The following ZNF343 variants were observed in gnomAD, a reference collection of about 807,000 sequenced individuals.
The protein encoded by ZNF343 is zinc finger protein 343.
ZNF343 carries 11 observed loss-of-function variants against 13.8 expected under a neutral mutation model. That is an observed-to-expected ratio of 0.80 (90% confidence interval 0.50 to 1.32). The LOEUF (loss-of-function observed/expected upper bound fraction) is 1.32, where lower values mean the gene tolerates loss of function less well. Ranked by LOEUF, ZNF343 falls within the 40% of genes most tolerant of loss-of-function variation. The probability of loss-of-function intolerance (pLI) is 0.00; values close to 1 mark genes in which losing one functional copy is unlikely to be tolerated. For synonymous variants in ZNF343, 248 were observed against 260.0 expected (o/e 0.95, Z 0.44); for missense variants, 658 against 714.2 (o/e 0.92, Z 0.90).
chr20:2,494,240 G>C (rs774488293), intron 2 of ZNF343, among the ~76,000 whole-genome samples, 196 bp from the exon 3 acceptor site: 1 of 151,882 alleles, frequency 6.6e-6, no homozygotes, highest in African/African-American at 2.4e-5. Context: ...CTTGTGTTCT[G>C]CCACTCTCCC....
intron 1 of ZNF343, among the ~76,000 whole-genome samples, chr20:2,522,594 A>G (rs1007722067): frequency 2.0e-5 from 3 of 152,202 alleles, no homozygotes; most frequent in Non-Finnish European, 4.4e-5. Flanking sequence ...TTCAATTTTA[A>G]CATAAGCTGC....
chr20:2,522,318 G>A (rs1263704649), intron 1 of ZNF343, among the ~76,000 whole-genome samples: 1 of 152,174 alleles, frequency 6.6e-6, no homozygotes, highest in Non-Finnish European at 1.5e-5. Flanking sequence ...CTCACCATTA[G>A]AAGTTTCCTT....
rs951039905 is a variant in ZNF343 at position 2,518,163 on chromosome 20, G to A, written c.-347+6292C>T. ...TGAGTAGCTGGGATTACAGGCGCGT[G>A]CCACCACGTCTGGCTACCTTTTTGT... On this transcript the variant is annotated intron_variant, in intron 1 of 6. Transcript: ENST00000358413. This position sits in a 1 kb window ranked among gnomAD's most constrained non-coding sequence, Gnocchi z 4.6. 6.6e-5 allele frequency among the ~76,000 whole-genome samples: 10 copies of A among 151,966 alleles called. No individual in the cohort carries two copies. The highest frequency in any genetic ancestry group is 1.9e-4 in the African/African-American group (8 of 41,364).
chr20:2,523,588 C>T (rs2085791689), intron 1 of ZNF343, among the ~76,000 whole-genome samples: 1 of 151,880 alleles, frequency 6.6e-6, no homozygotes, highest in African/African-American at 2.4e-5. Context: ...CCCTGCCTTA[C>T]TGCCATCCTA....
intron 1 of ZNF343, among the ~76,000 whole-genome samples, chr20:2,517,363 T>G (rs1435908139): frequency 2.6e-5 from 2 of 77,562 alleles, no homozygotes; most frequent in African/African-American, 2.2e-4. Flanking sequence ...AATGTATATG[T>G]GTGTATATAT....
chr20:2,498,639 G>C (rs1048136321), intron 2 of ZNF343, among the ~76,000 whole-genome samples: 1 of 152,118 alleles, frequency 6.6e-6, no homozygotes, highest in East Asian at 1.9e-4. Flanking sequence ...AACAATCCCA[G>C]TCCATATTTA....
intron 1 of ZNF343, among the ~76,000 whole-genome samples, chr20:2,521,576 A>C (rs1428503859): frequency 6.6e-6 from 1 of 152,114 alleles, no homozygotes; most frequent in Non-Finnish European, 1.5e-5. Context: ...AGGTGTGGGT[A>C]GTGGGATGTA....
chr20:2,521,346 T>TG (rs1410763602), intron 1 of ZNF343, among the ~76,000 whole-genome samples: 2 of 152,056 alleles, frequency 1.3e-5, no homozygotes, highest in African/African-American at 4.8e-5. Context: ...GGGTGAACAG[T>TG]GGGGGCTTCT....
chr20:2,510,203 A>G (rs1432629869), upstream of ZNF343, among the ~76,000 whole-genome samples: 2 of 152,252 alleles, frequency 1.3e-5, no homozygotes, highest in Non-Finnish European at 2.9e-5. Flanking sequence ...AAAATTGTAT[A>G]GCAAACAATG....
At chr20:2,504,987 C>T (rs528599615) in intron 1 of ZNF343, among the ~76,000 whole-genome samples, 1 of 152,238 alleles carries the variant, frequency 6.6e-6, no homozygotes, top group East Asian at 1.9e-4. Flanking sequence ...AAAGGGTATT[C>T]AGTTAGGAAA....
intron 2 of ZNF343, among the ~76,000 whole-genome samples, chr20:2,500,154 G>GT (rs1207283529): frequency 6.6e-6 from 1 of 152,182 alleles, no homozygotes; most frequent in Admixed American, 6.5e-5. Flanking sequence ...ATTATAGAAT[G>GT]TTGATAACTG....
chr20:2,523,848 G>A (rs146819628), intron 1 of ZNF343, among the ~76,000 whole-genome samples: 2 of 151,764 alleles, frequency 1.3e-5, no homozygotes, highest in Non-Finnish European at 2.9e-5. Flanking sequence ...GCCTGGCTAA[G>A]AATTCTTTCT....
At chr20:2,499,238 G>A (rs1247374847) in intron 2 of ZNF343, among the ~76,000 whole-genome samples, 6 of 148,544 alleles carry the variant, frequency 4.0e-5, no homozygotes. Context: ...GGCCGAGGTG[G>A]GCGGATCACG....
In ZNF343 at chr20:2,518,219, G is replaced by A. The variant is rs2085767860; in HGVS notation, c.-347+6236C>T. On this transcript the variant is annotated intron_variant, in intron 1 of 6. Transcript: ENST00000358413. The surrounding 1 kb of genome is among the most constrained non-coding windows in gnomAD (Gnocchi z 4.6). ...TTTAGTAGAGACGTAGTTTCGCCAT[G>A]TTGACCAGGCTTGTCTTGAACTCCT... 6.6e-6 allele frequency among the ~76,000 whole-genome samples: 1 copy of A among 152,112 alleles called. No individual in the cohort carries two copies. Among genetic ancestry groups the A allele is most frequent in the South Asian group, 2.1e-4 (1 of 4,826 alleles).
intron 1 of ZNF343, among the ~76,000 whole-genome samples, chr20:2,502,908 C>T (rs1335324317): frequency 3.3e-5 from 5 of 152,226 alleles, no homozygotes; most frequent in African/African-American, 7.2e-5. Flanking sequence ...CATCAACTAA[C>T]GAGCAAAATA....
Position 2,484,063 on chromosome 20 carries a change from T to C in ZNF343, c.898A>G (p.Ser300Gly), listed in dbSNP as rs763890529. Reference protein sequence around the residue: ...IHSMEKPYVCSECGRGFSQKS... With the variant: ...IHSMEKPYVCGECGRGFSQKS... ...TGGCTAAAACCTCGCCCGCACTCAC[T>C]GCACACATAAGGCTTCTCCATCGAG... Residue 300 changes from serine to glycine, a missense_variant, in exon 6 of 6, where the codon AGT (serine) becomes GGT (glycine). By Grantham distance (56) the Ser-to-Gly change is moderately conservative (BLOSUM62 0). Coordinates refer to ENST00000278772, the MANE Select transcript of ZNF343 (RefSeq NM_024325.6). The C allele has an allele frequency of 5.6e-6, 9 of 1,614,106 alleles. No homozygotes were observed. In the Admixed American group the frequency reaches 6.7e-5, roughly 12 times the overall value.
intron 1 of ZNF343, among the ~76,000 whole-genome samples, chr20:2,515,308 C>T (rs201764748): frequency 6.8e-6 from 1 of 146,060 alleles, no homozygotes; most frequent in Non-Finnish European, 1.5e-5. Context: ...TGGTTTTTTT[C>T]TTTTTTAGCC....
chr20:2,492,917 T>A, intron 4 of ZNF343, 92 bp from the exon 5 acceptor site: 1 of 1,542,500 alleles, frequency 6.5e-7, no homozygotes, highest in Non-Finnish European at 8.8e-7. Context: ...AGCCTGGATA[T>A]GCAAGTTGAT....
chr20:2,491,811 G>C (rs895900060), intron 5 of ZNF343: 6 of 152,044 alleles, frequency 3.9e-5, no homozygotes, highest in African/African-American at 1.4e-4. Context: ...CTAGAGTTAT[G>C]TTGCAATTGA....
Sources: allele counts gnomAD v4.1 joint callset (sites outside exome capture counted in the v4.1 genomes callset), GRCh38; gene constraint gnomAD v4.1.1; non-coding constraint Gnocchi (gnomAD v3.1); transcripts MANE v1.5; gene names NCBI Gene and HGNC (gene_info 2026-07-23, HGNC 2026-07-21).